ID4: variants seen among roughly 807,000 people sequenced by gnomAD.
ID4 encodes the protein DNA-binding protein inhibitor ID-4.
A neutral mutation model predicts 8.6 loss-of-function variants in ID4; 9 were observed. That is an observed-to-expected ratio of 1.04 (90% CI 0.63 to 1.82). ID4 has a LOEUF of 1.82. Ranked by LOEUF, ID4 falls within the 40% of genes most tolerant of loss-of-function variation. ID4 has a pLI of 0.00. For missense variants in ID4, 270 were observed against 235.1 expected, an observed-to-expected ratio of 1.15 and a Z score of -0.97; for synonymous variants, 180 against 118.0, an observed-to-expected ratio of 1.53 and a Z score of -3.41.
At chr6:19,838,278 C>G (rs895006063) in intron 1 of ID4, 83 bp downstream of exon 1, 6 of 1,231,048 alleles carry the variant, frequency 4.9e-6, no homozygotes, top group Non-Finnish European at 6.2e-6. Context: ...GGGCGCTCAC[C>G]GTCCTCCGGG....
rs1156727795 is a variant in ID4, at chr6:19,840,475, A to G, written c.*1280A>G. 2 of 152,480 alleles carry G rather than the reference A, an allele frequency of 1.3e-5. No individual in the cohort carries two copies. Among genetic ancestry groups the G allele is most frequent in the Non-Finnish European group, 2.9e-5 (2 of 67,956 alleles). 9.4% of individuals were successfully genotyped at this position (152,480 alleles called of 1,614,324 possible). A position where few individuals can be genotyped will look rare whatever the true frequency, so the allele number is the denominator to read the frequency against. On this transcript the variant is annotated 3_prime_UTR_variant, in exon 3 of 3. Coordinates refer to ENST00000378700, the MANE Select transcript of ID4 (RefSeq NM_001546.4). ...ATTAATAGGCAACAGTGGGAGAAAA[A>G]AAAGGCATAATGGCAAATCCTTCAA... is the stretch of plus-strand genomic sequence containing the variant.
intron 1 of ID4, 44 bp downstream of exon 1, chr6:19,838,239 G>A: frequency 7.6e-7 from 1 of 1,319,058 alleles, no homozygotes; most frequent in Non-Finnish European, 9.6e-7. Context: ...CGCGGGGGAT[G>A]GGAGGTTGGT....
Position 19,838,014 on chromosome 6 carries a change from A to G in ID4, c.260A>G (p.Lys87Arg), listed in dbSNP as rs150285121. The change falls in exon 1 of 3, where the codon AAA becomes AGA. Residue 87 changes from lysine (K) to arginine (R), a missense_variant. Physicochemically the swap from Lys to Arg is conservative, Grantham distance 26 (BLOSUM62 2). Coordinates refer to ENST00000378700, the MANE Select transcript of ID4 (RefSeq NM_001546.4). The stretch of plus-strand genomic sequence containing the variant: ...GTGCCCACCATCCCGCCCAACAAGA[A>G]AGTCAGCAAAGTGGAGATCCTGCAG... ...RLVPTIPPNK[K>R]VSKVEILQHV... 1.9e-6 allele frequency: 3 copies of G among 1,604,636 alleles called. No homozygotes were observed. The highest frequency in any genetic ancestry group is 2.6e-6 in the Non-Finnish European group (3 of 1,175,402).
In ID4 at chr6:19,839,276, A is replaced by G. The variant is rs1761306186; in HGVS notation, c.*81A>G. On this transcript the variant is annotated 3_prime_UTR_variant, in exon 3 of 3. Coordinates refer to ENST00000378700, the MANE Select transcript of ID4 (RefSeq NM_001546.4). ...GAGGGGGAAGAGCAGAAGTTAGAGAAAAAAAGCCACCGGAGGAAAGGAAAA... is the reference window on the plus strand; with the variant it reads ...GAGGGGGAAGAGCAGAAGTTAGAGAGAAAAAGCCACCGGAGGAAAGGAAAA... The G allele has an allele frequency of 6.5e-6, 1 of 152,688 alleles. No homozygotes were observed. Among genetic ancestry groups the G allele is most frequent in the African/African-American group, 2.4e-5 (1 of 41,428 alleles). 9.5% of individuals were successfully genotyped at this position (152,688 alleles called of 1,614,324 possible).
rs540886650 is a variant in ID4 at position 19,838,736 on chromosome 6, C to T, written c.*14+94C>T. On this transcript the variant is annotated intron_variant, in intron 2 of 2. Transcript: ENST00000378700. ...CAGGCACCGCGGTGTTCTTTGCCCC[C>T]AGCGTTTCTGAGAGCAAACTCCCAA... 1.1e-5 allele frequency: 12 copies of T among 1,126,810 alleles called. No homozygotes were observed. The South Asian group carries it at 1.5e-4, about 14-fold the overall frequency. 69.8% of individuals were successfully genotyped at this position (1,126,810 alleles called of 1,614,324 possible).
In ID4 at chr6:19,837,527, T is replaced by A. The variant is rs1761241806; in HGVS notation, c.-228T>A. ...ACTTTTCTTCCGGTGCTTTTGCTTT[T>A]TTTTTCCTTTGGGCTCGGGCTGAGT... On this transcript the variant is annotated 5_prime_UTR_variant, in exon 1 of 3. Transcript: ENST00000378700. 1 of 202,842 alleles carries A rather than the reference T, an allele frequency of 4.9e-6. No homozygotes were observed. The highest frequency in any genetic ancestry group is 6.2e-5 in the Admixed American group (1 of 16,258). The allele number at this position is 202,842 out of a possible 1,614,324, so 12.6% of individuals were successfully genotyped here.
rs949254223 is a variant in ID4, at chr6:19,841,248, G to T, written c.*2053G>T. Reference sequence around the variant, plus strand: ...TCAAAGAACTGCTTGTTTAGATGAGGTTTATTTTTATTTTTGATATTATTC... The same window carrying T: ...TCAAAGAACTGCTTGTTTAGATGAGTTTTATTTTTATTTTTGATATTATTC... On this transcript the variant is annotated 3_prime_UTR_variant, in exon 3 of 3. Coordinates refer to ENST00000378700, the MANE Select transcript of ID4 (RefSeq NM_001546.4). 6.6e-6 allele frequency among the ~76,000 whole-genome samples: 1 copy of T among 151,908 alleles called. No individual in the cohort carries two copies. Among genetic ancestry groups the T allele is most frequent in the African/African-American group, 2.4e-5 (1 of 41,368 alleles).
Position 19,837,679 on chromosome 6 carries a change from G to A in ID4, c.-76G>A, listed in dbSNP as rs1761247177. 2 of 1,016,002 alleles carry A rather than the reference G, an allele frequency of 2.0e-6. No homozygotes were observed. The highest frequency in any genetic ancestry group is 6.4e-5 in the East Asian group (1 of 15,626). The allele number at this position is 1,016,002 out of a possible 1,614,324, so 62.9% of individuals were successfully genotyped here. A position where few individuals can be genotyped will look rare whatever the true frequency, so the allele number is the denominator to read the frequency against. On this transcript the variant is annotated 5_prime_UTR_variant, in exon 1 of 3. Coordinates refer to ENST00000378700, the MANE Select transcript of ID4 (RefSeq NM_001546.4). ...AGGCAAAGGGAGCGGAGCCGGCCGCGGACGGGGCCCGGAGCTTGCCTGCCT... is the reference window on the plus strand; with the variant it reads ...AGGCAAAGGGAGCGGAGCCGGCCGCAGACGGGGCCCGGAGCTTGCCTGCCT...
chr6:19,838,272 G>C, intron 1 of ID4, 77 bp downstream of exon 1: 1 of 1,245,124 alleles, frequency 8.0e-7, no homozygotes, highest in Non-Finnish European at 1.0e-6. Flanking sequence ...GGACGCGGGC[G>C]CTCACCGTCC....
Position 19,840,034 on chromosome 6 carries a change from A to G in ID4, c.*839A>G, listed in dbSNP as rs1332944034. On this transcript the variant is annotated 3_prime_UTR_variant, in exon 3 of 3. Transcript: ENST00000378700. ...CATGAGATGTTTAATCACAAATTAA[A>G]CTTGTTCTGAGTCCATTCAAATGTG... 6.6e-6 allele frequency: 1 copy of G among 152,560 alleles called. No homozygotes were observed. The highest frequency in any genetic ancestry group is 1.5e-5 in the Non-Finnish European group (1 of 68,018). 9.5% of individuals were successfully genotyped at this position (152,560 alleles called of 1,614,324 possible). A position where few individuals can be genotyped will look rare whatever the true frequency, so the allele number is the denominator to read the frequency against.
Position 19,842,172 on chromosome 6 carries a change from T to C in ID4, c.*2977T>C, listed in dbSNP as rs1359978985. ...AATCTATTGTATTAGTTGCCTTCTATAACAATAAATCTTCACTGAGCAAAA... is the reference window on the plus strand; with the variant it reads ...AATCTATTGTATTAGTTGCCTTCTACAACAATAAATCTTCACTGAGCAAAA... On this transcript the variant is annotated 3_prime_UTR_variant, in exon 3 of 3. Coordinates refer to ENST00000378700, the MANE Select transcript of ID4 (RefSeq NM_001546.4). Among the ~76,000 whole-genome samples the C allele has an allele frequency of 6.6e-6, 1 of 152,244 alleles. No homozygotes were observed. Among genetic ancestry groups the C allele is most frequent in the African/African-American group, 2.4e-5 (1 of 41,470 alleles).
chr6:19,838,329 TCCGGGCTCCC>T (rs1483995895), intron 1 of ID4, 134 bp downstream of exon 1: 2 of 1,033,272 alleles, frequency 1.9e-6, no homozygotes, highest in Non-Finnish European at 2.6e-6. Context: ...CCCCTGCTCC[TCCGGGCTCCC>T]CCGGGCCGCC....
Position 19,840,351 on chromosome 6 carries a change from A to C in ID4, c.*1156A>C, listed in dbSNP as rs1434628495. The C allele has an allele frequency of 6.6e-6, 1 of 152,606 alleles. No homozygotes were observed. The highest frequency in any genetic ancestry group is 1.5e-5 in the Non-Finnish European group (1 of 68,016). The allele number at this position is 152,606 out of a possible 1,614,324, so 9.5% of individuals were successfully genotyped here. On this transcript the variant is annotated 3_prime_UTR_variant, in exon 3 of 3. Coordinates refer to ENST00000378700, the MANE Select transcript of ID4 (RefSeq NM_001546.4). The stretch of plus-strand genomic sequence containing the variant: ...ATGTCACTAAGTTTCATGTCTGTAC[A>C]GATTATTTAAATCATGGAAATGAAA...
At position 19,837,492 on chromosome 6, in the gene ID4, C is replaced by T. The variant is rs1476155077; in HGVS notation, c.-263C>T. The T allele has an allele frequency of 5.9e-6, 1 of 169,382 alleles. No homozygotes were observed. Among genetic ancestry groups the T allele is most frequent in the Admixed American group, 6.4e-5 (1 of 15,652 alleles). 10.5% of individuals were successfully genotyped at this position (169,382 alleles called of 1,614,324 possible). On this transcript the variant is annotated 5_prime_UTR_variant, in exon 1 of 3. Coordinates refer to ENST00000378700, the MANE Select transcript of ID4 (RefSeq NM_001546.4). The stretch of plus-strand genomic sequence containing the variant: ...CTCCGAAGGGAGTGACTAGGACACC[C>T]GGGTGGGCTACTTTTCTTCCGGTGC...
At chr6:19,838,734 C>T (rs1472013200) in intron 2 of ID4, 92 bp downstream of exon 2, 2 of 1,140,050 alleles carry the variant, frequency 1.8e-6, no homozygotes, top group Non-Finnish European at 2.6e-6. Context: ...GTTCTTTGCC[C>T]CCAGCGTTTC....
rs766855513 is a variant in ID4, at chr6:19,838,657, C to G, written c.*14+15C>G. On this transcript the variant is annotated intron_variant, in intron 2 of 2. Coordinates refer to ENST00000378700, the MANE Select transcript of ID4 (RefSeq NM_001546.4). ...GCGCTGTCCAGGTGAGCGCGCATTT[C>G]CCGTCTCGGGTGGCCGGTCACCAGA... 1.2e-6 allele frequency: 2 copies of G among 1,611,040 alleles called. No homozygotes were observed. Among genetic ancestry groups the G allele is most frequent in the South Asian group, 1.1e-5 (1 of 90,982 alleles).
rs770996959 is a variant in ID4, at chr6:19,838,580, C to T, written c.442-4C>T. On this transcript the variant is annotated splice_region_variant and splice_polypyrimidine_tract_variant and intron_variant, in intron 1 of 2. Transcript: ENST00000378700. ...TTTCCCTTGGTGTTCGGTTGCTGTT[C>T]CAGGCCGGCGCGGTGAACAAGCAGG... The T allele has an allele frequency of 6.8e-6, 11 of 1,613,840 alleles. No individual in the cohort carries two copies. The highest frequency in any genetic ancestry group is 1.6e-4 in the Middle Eastern group (1 of 6,084).
rs1315335778 is a variant in ID4 at position 19,839,306 on chromosome 6, T to G, written c.*111T>G. 2.6e-5 allele frequency: 4 copies of G among 152,584 alleles called. No individual in the cohort carries two copies. Among genetic ancestry groups the G allele is most frequent in the Non-Finnish European group, 5.9e-5 (4 of 68,090 alleles). The allele number at this position is 152,584 out of a possible 1,614,324, so 9.5% of individuals were successfully genotyped here. ...AGCCACCGGAGGAAAGGAAAAAACA[T>G]CGGCCAACCTAGAAACGTTTTCATT... On this transcript the variant is annotated 3_prime_UTR_variant, in exon 3 of 3. Coordinates refer to ENST00000378700, the MANE Select transcript of ID4 (RefSeq NM_001546.4).
rs1365403457 is a variant in ID4 at position 19,837,934 on chromosome 6, G to A, written c.180G>A (p.Pro60=). The stretch of plus-strand genomic sequence containing the variant: ...CGGCCGAGGCGGCGGCCGACGAGCC[G>A]GCGCTGTGCCTGCAGTGCGATATGA... ...CKAAEAAADE[P]ALCLQCDMND... Residue 60 remains proline (P), a synonymous_variant, in exon 1 of 3, where the codon CCG becomes CCA. Coordinates refer to ENST00000378700, the MANE Select transcript of ID4 (RefSeq NM_001546.4). 19 of 1,478,828 alleles carry A rather than the reference G, an allele frequency of 1.3e-5. No homozygotes were observed. The South Asian group carries it at 2.0e-4, about 15-fold the overall frequency. The allele number at this position is 1,478,828 out of a possible 1,614,324, so 91.6% of individuals were successfully genotyped here.
Sources: gnomAD v4.1 joint callset for allele counts (sites outside exome capture counted in the v4.1 genomes callset) on GRCh38, gnomAD v4.1.1 for gene constraint, MANE v1.5 for transcripts, NCBI Gene and HGNC (gene_info 2026-07-23, HGNC 2026-07-21) for gene names.